Variants in PPL observed in about 807,000 individuals in gnomAD.
The protein encoded by PPL is 190 kDa paraneoplastic pemphigus antigen.
In PPL, 198 loss-of-function variants were observed where a neutral mutation model predicts 194.4. The ratio of observed to expected loss-of-function variants is 1.02; its 90% CI spans 0.91 to 1.15. The LOEUF (loss-of-function observed/expected upper bound fraction) is 1.15, where lower values mean the gene tolerates loss of function less well. Among genes scored for constraint, PPL ranks in the 50% most tolerant of loss-of-function variants. The pLI is 0.00. For synonymous variants in PPL, 1,220 were observed against 972.4 expected (o/e 1.25, Z -4.74); for missense variants, 2,885 against 2,294.8 (o/e 1.26, Z -5.25).
chr16:4,888,396 T>A (rs2088253197), intron 19 of PPL, among the ~76,000 whole-genome samples, 178 bp from the exon 20 acceptor site: 1 of 152,218 alleles, frequency 6.6e-6, no homozygotes, highest in South Asian at 2.1e-4. Context: ...TTTTGAGAAT[T>A]ACTGATATCT....
chr16:4,904,174 C>T, intron 2 of PPL, 134 bp from the exon 3 acceptor site: 1 of 932,124 alleles, frequency 1.1e-6, no homozygotes, highest in Non-Finnish European at 1.6e-6. Context: ...CCAGGCTTGT[C>T]CATATGGAGC....
At chr16:4,916,990 G>A (rs2088931046) in intron 1 of PPL, among the ~76,000 whole-genome samples, 1 of 152,058 alleles carries the variant, frequency 6.6e-6, no homozygotes, top group South Asian at 2.1e-4. Context: ...AAATTAGCTG[G>A]GCGTGGTGGT....
chr16:4,910,829 A>C (rs1185587921), intron 2 of PPL, 21 bp downstream of exon 2: 4 of 1,600,912 alleles, frequency 2.5e-6, no homozygotes, highest in Non-Finnish European at 3.4e-6. Context: ...CCCAGGTGGG[A>C]GTGGGAGTGG....
rs1214467630 is a variant in PPL, at chr16:4,885,233, G to C, written c.3422C>G (p.Ala1141Gly). Residue 1141 changes from alanine (A) to glycine (G), a missense_variant, in exon 22 of 22, where the codon GCT becomes GGT. Ala to Gly is a moderately conservative substitution (Grantham distance 60). Transcript: ENST00000345988. This position sits in a 1 kb window ranked among gnomAD's most constrained non-coding sequence, Gnocchi z 6.3. The part of the protein sequence containing the change: ...SDLTRQYEDE[A>G]AKARASQREK... The stretch of plus-strand genomic sequence containing the variant: ...CCTCTGGCTAGCGCGAGCCTTGGCA[G>C]CCTCGTCCTCATATTGGCGGGTGAG... 1 of 1,613,830 alleles carries C rather than the reference G, an allele frequency of 6.2e-7. No homozygotes were observed. The highest frequency in any genetic ancestry group is 1.7e-5 in the Admixed American group (1 of 60,016).
rs1452030261 is a variant in PPL at position 4,902,281 on chromosome 16, T to C, written c.438+125A>G. On this transcript the variant is annotated intron_variant, in intron 4 of 21. Transcript: ENST00000345988. The surrounding 1 kb of genome is among the most constrained non-coding windows in gnomAD (Gnocchi z 4.0). ...TTCTCATGGGCACACTGGAAAACCATCAGGACCACGACTGTCTCCCTGGTA... is the reference window on the plus strand; with the variant it reads ...TTCTCATGGGCACACTGGAAAACCACCAGGACCACGACTGTCTCCCTGGTA... 1.5e-5 allele frequency: 21 copies of C among 1,444,338 alleles called. No individual in the cohort carries two copies. Among genetic ancestry groups the C allele is most frequent in the Non-Finnish European group, 2.0e-5 (21 of 1,074,158 alleles). The allele number at this position is 1,444,338 out of a possible 1,614,324, so 89.5% of individuals were successfully genotyped here.
intron 1 of PPL, among the ~76,000 whole-genome samples, chr16:4,925,407 C>G (rs1286241239): frequency 6.6e-6 from 1 of 151,870 alleles, no homozygotes; most frequent in African/African-American, 2.4e-5. Flanking sequence ...AGGGCACCTA[C>G]TGGGTGCCCA....
intron 1 of PPL, among the ~76,000 whole-genome samples, chr16:4,924,947 G>T (rs2142416484): frequency 6.6e-6 from 1 of 152,338 alleles, no homozygotes; most frequent in East Asian, 1.9e-4. Flanking sequence ...TCCCCTGCTG[G>T]CTCACAGCCC....
intron 1 of PPL, among the ~76,000 whole-genome samples, chr16:4,920,584 T>A (rs2089030529): frequency 6.6e-6 from 1 of 152,056 alleles, no homozygotes; most frequent in African/African-American, 2.4e-5. Context: ...TGCCTCAGCC[T>A]CCCGAGTAGC....
chr16:4,913,140 AAGCAG>A (rs763835662), intron 1 of PPL, among the ~76,000 whole-genome samples: 4 of 151,872 alleles, frequency 2.6e-5, no homozygotes, highest in South Asian at 2.1e-4. Flanking sequence ...AAAGTCTTGA[AAGCAG>A]ACTGGCCCTC....
intron 19 of PPL, chr16:4,888,615 T>G: frequency 3.0e-6 from 1 of 328,880 alleles, no homozygotes; most frequent in Middle Eastern, 8.6e-4. Flanking sequence ...GTGTGCTGAT[T>G]CACGCAGCTT....
intron 2 of PPL, among the ~76,000 whole-genome samples, chr16:4,909,316 AG>A (rs2088770630): frequency 1.3e-5 from 2 of 151,842 alleles, no homozygotes; most frequent in Admixed American, 6.6e-5. Flanking sequence ...GGAGCAGCCA[AG>A]GGGGTTGGAT....
chr16:4,926,931 A>T (rs2089166373), intron 1 of PPL, among the ~76,000 whole-genome samples: 1 of 151,016 alleles, frequency 6.6e-6, no homozygotes, highest in Non-Finnish European at 1.5e-5. Context: ...GATCACTTAC[A>T]CCAGGGTATT....
At position 4,892,199 on chromosome 16, in the gene PPL, C is replaced by A; in HGVS notation, c.1665G>T (p.Glu555Asp). 1 of 1,612,412 alleles carries A rather than the reference C, an allele frequency of 6.2e-7. No individual in the cohort carries two copies. Among genetic ancestry groups the A allele is most frequent in the Non-Finnish European group, 8.5e-7 (1 of 1,178,896 alleles). Residue 555 changes from glutamate to aspartate, a missense_variant, in exon 15 of 22, where the codon GAG (glutamate) becomes GAT (aspartate). Transcript: ENST00000345988. The part of the protein sequence containing the change: ...RAKDLKNITN[E>D]LLRIEPEKTR... Reference sequence around the variant, plus strand: ...TCTTCTCAGGTTCAATCCGCAGTAGCTCGTTGGTGATGTTCTGTGGGAACC... The same window carrying A: ...TCTTCTCAGGTTCAATCCGCAGTAGATCGTTGGTGATGTTCTGTGGGAACC...
Position 4,894,625 on chromosome 16 carries a change from G to A in PPL, c.1243-7C>T, listed in dbSNP as rs926744550. 5.0e-6 allele frequency: 8 copies of A among 1,611,614 alleles called. No homozygotes were observed. The highest frequency in any genetic ancestry group is 5.9e-6 in the Non-Finnish European group (7 of 1,179,642). Reference sequence around the variant, plus strand: ...AGCCCCGCGAGATCAGGCCCTGGCGGGGGCAGGCTGGACAGTCAGGATCCC... The same window carrying A: ...AGCCCCGCGAGATCAGGCCCTGGCGAGGGCAGGCTGGACAGTCAGGATCCC... On this transcript the variant is annotated splice_polypyrimidine_tract_variant and splice_region_variant and intron_variant, in intron 11 of 21. Transcript: ENST00000345988.
rs1480372550 is a variant in PPL, at chr16:4,892,230, C to T, written c.1651-17G>A. Reference sequence around the variant, plus strand: ...GGTGATGTTCTGTGGGAACCAGGGCCCCTCAGTTTTGGACACAGCCAGGCA... The same window carrying T: ...GGTGATGTTCTGTGGGAACCAGGGCTCCTCAGTTTTGGACACAGCCAGGCA... On this transcript the variant is annotated splice_polypyrimidine_tract_variant and intron_variant, in intron 14 of 21. Transcript: ENST00000345988. 1 of 1,602,716 alleles carries T rather than the reference C, an allele frequency of 6.2e-7. No homozygotes were observed. Among genetic ancestry groups the T allele is most frequent in the African/African-American group, 1.3e-5 (1 of 74,708 alleles).
rs757156788 is a variant in PPL at position 4,885,205 on chromosome 16, C to T, written c.3450G>A (p.Glu1150=). 10 of 1,614,128 alleles carry T rather than the reference C, an allele frequency of 6.2e-6. 1 individual carries two copies. In the South Asian group the frequency reaches 1.1e-4, roughly 18 times the overall value. The change falls in exon 22 of 22, where the codon GAG becomes GAA. Residue 1150 remains glutamate (E), a synonymous_variant. Coordinates refer to ENST00000345988, the MANE Select transcript of PPL (RefSeq NM_002705.5). This position sits in a 1 kb window ranked among gnomAD's most constrained non-coding sequence, Gnocchi z 6.3. ...EAAKARASQR[E]KTELLRKIWA... is the part of the protein sequence containing the mutation. ...ATATCTTTCGGAGCAGCTCCGTCTT[C>T]TCCCTCTGGCTAGCGCGAGCCTTGG...
chr16:4,905,085 C>T (rs894328959), intron 2 of PPL, among the ~76,000 whole-genome samples: 11 of 152,080 alleles, frequency 7.2e-5, no homozygotes, highest in African/African-American at 1.9e-4. Flanking sequence ...TCCCCAGTCC[C>T]GCAGGGGAGG....
Position 4,937,135 on chromosome 16 carries a change from G to A in PPL, c.-90C>T, listed in dbSNP as rs966484445. On this transcript the variant is annotated 5_prime_UTR_variant, in exon 1 of 22. Coordinates refer to ENST00000345988, the MANE Select transcript of PPL (RefSeq NM_002705.5). ...AGCGCAGGTGAGCGAGCGGCGGCGC[G>A]GGGAGCCCGGACTGCGGCGCGGCAG... The A allele has an allele frequency of 1.5e-4, 133 of 911,938 alleles. No homozygotes were observed. The African/African-American group carries it at 2.2e-3, about 15-fold the overall frequency. 56.5% of individuals were successfully genotyped at this position (911,938 alleles called of 1,614,324 possible).
chr16:4,885,939 T>G lies in PPL; in HGVS notation c.2716A>C (p.Arg906=), dbSNP rs917985788. 6.2e-6 allele frequency: 10 copies of G among 1,613,162 alleles called. No homozygotes were observed. The highest frequency in any genetic ancestry group is 1.3e-5 in the African/African-American group (1 of 74,948). The change falls in exon 22 of 22, where the codon AGG becomes CGG. Residue 906 remains arginine (R), a synonymous_variant. Coordinates refer to ENST00000345988, the MANE Select transcript of PPL (RefSeq NM_002705.5). This position sits in a 1 kb window ranked among gnomAD's most constrained non-coding sequence, Gnocchi z 6.3. ...RKELDEETER[R]RQLENEVKST... Reference sequence around the variant, plus strand: ...TTGACCTCGTTCTCCAGCTGCCGCCTCCGCTCAGTCTCCTCATCCAGTTCC... The same window carrying G: ...TTGACCTCGTTCTCCAGCTGCCGCCGCCGCTCAGTCTCCTCATCCAGTTCC...
Sources: gnomAD v4.1 joint callset for allele counts (sites outside exome capture counted in the v4.1 genomes callset) on GRCh38, gnomAD v4.1.1 for gene constraint, Gnocchi (gnomAD v3.1) non-coding constraint, MANE v1.5 for transcripts, NCBI Gene and HGNC (gene_info 2026-07-23, HGNC 2026-07-21) for gene names.